Variants in MEI1 observed in about 807,000 individuals in gnomAD.
MEI1 encodes meiotic double-stranded break formation protein 1, also known as meiosis inhibitor protein 1.
Under a neutral mutation model 146.2 loss-of-function variants are expected in MEI1, and 103 were observed. That is an observed-to-expected ratio of 0.70 (90% confidence interval 0.60 to 0.83). MEI1 has a LOEUF of 0.83. MEI1 is among the 40% of genes least tolerant of loss of function. MEI1 has a pLI of 0.00. For synonymous variants in MEI1, 652 were observed against 628.2 expected (o/e 1.04, Z -0.57); for missense variants, 1,529 against 1,533.0 (o/e 1.00, Z 0.04).
At chr22:41,721,234 G>GTTTT (rs2070761644) in intron 6 of MEI1, among the ~76,000 whole-genome samples, 2 of 114,520 alleles carry the variant, frequency 1.7e-5, no homozygotes, top group African/African-American at 8.3e-5. Flanking sequence ...CACCACGCCC[G>GTTTT]TTCTTTTTTT....
rs71184839 is a variant in MEI1 at position 41,763,943 on chromosome 22, C to CT, written c.2268+643dup. ...TGAATAGTTAATGAGGGGAAGTTTC[C>CT]TTTTTTTTTTTTTTTTTTTTTGAGA... On this transcript the variant is annotated intron_variant, in intron 19 of 30. Coordinates refer to ENST00000401548, the MANE Select transcript of MEI1 (RefSeq NM_152513.4). Among the ~76,000 whole-genome samples, 844 of 91,528 alleles carry CT rather than the reference C, an allele frequency of 9.2e-3. 13 individuals are homozygous for CT. The highest frequency in any genetic ancestry group is 0.013 in the Non-Finnish European group (601 of 45,602). The allele number at this position is 91,528 out of a possible 152,430, so 60.0% of individuals were successfully genotyped here. A position where few individuals can be genotyped will look rare whatever the true frequency, so the allele number is the denominator to read the frequency against.
chr22:41,760,767 T>G (rs1024404052), intron 18 of MEI1, among the ~76,000 whole-genome samples: 15 of 152,192 alleles, frequency 9.9e-5, no homozygotes, highest in African/African-American at 3.4e-4. Context: ...AGGGGCTGCA[T>G]GCACCGGCGG....
intron 19 of MEI1, chr22:41,767,690 T>C: frequency 2.3e-6 from 1 of 440,312 alleles, no homozygotes; most frequent in South Asian, 1.6e-5. Context: ...GATTGACCAC[T>C]TGACATGAGC....
rs1189389782 is a variant in MEI1 at position 41,792,735 on chromosome 22, G to T, written c.3346-1094G>T. On this transcript the variant is annotated intron_variant, in intron 26 of 30. Coordinates refer to ENST00000401548, the MANE Select transcript of MEI1 (RefSeq NM_152513.4). ...ACCATTTTATCTTCCCACCAGCAATGTATGAGTGCCAGCTTCTCCACATTC... is the reference window on the plus strand; with the variant it reads ...ACCATTTTATCTTCCCACCAGCAATTTATGAGTGCCAGCTTCTCCACATTC... Among the ~76,000 whole-genome samples, 4 of 152,174 alleles carry T rather than the reference G, an allele frequency of 2.6e-5. No homozygotes were observed. The East Asian group carries it at 7.7e-4, about 29-fold the overall frequency.
intron 6 of MEI1, among the ~76,000 whole-genome samples, chr22:41,719,580 A>T (rs2070551278): frequency 6.6e-6 from 1 of 151,996 alleles, no homozygotes; most frequent in African/African-American, 2.4e-5. Context: ...CCAAACCCAA[A>T]CCCCAAACTC....
chr22:41,798,116 AACACACACACACACACACAC>A (rs60766866), intron 30 of MEI1, among the ~76,000 whole-genome samples: 26,014 of 135,842 alleles, frequency 0.19, 3,015 homozygotes, highest in Admixed American at 0.37. Flanking sequence ...TCCTCAGCCC[AACACACACACACACACACAC>A]ACACACACAC....
At chr22:41,749,116 C>T (rs1038883114) in intron 15 of MEI1, among the ~76,000 whole-genome samples, 8 of 151,974 alleles carry the variant, frequency 5.3e-5, no homozygotes, top group African/African-American at 1.4e-4. Flanking sequence ...CTTTCTTAAT[C>T]TCTGTGCTAT....
At chr22:41,785,649 C>T (rs113167036) in intron 26 of MEI1, among the ~76,000 whole-genome samples, 21 of 148,302 alleles carry the variant, frequency 1.4e-4, no homozygotes, top group South Asian at 8.5e-4. Flanking sequence ...CTGCAACCTC[C>T]GCCTCCCAGG....
chr22:41,702,285 C>T (rs146567913), intron 1 of MEI1, among the ~76,000 whole-genome samples: 2,491 of 151,802 alleles, frequency 0.016, 49 homozygotes, highest in Admixed American at 0.059. Flanking sequence ...GGATTACAGG[C>T]GCCTGCCACC....
At chr22:41,789,900 G>GC (rs2076115662) in intron 26 of MEI1, among the ~76,000 whole-genome samples, 2 of 152,116 alleles carry the variant, frequency 1.3e-5, no homozygotes, top group Non-Finnish European at 2.9e-5. Context: ...CCCTATAATT[G>GC]CCTAGTGAAC....
chr22:41,726,145 G>A (rs1191374878), intron 7 of MEI1, among the ~76,000 whole-genome samples: 1 of 152,154 alleles, frequency 6.6e-6, no homozygotes, highest in Non-Finnish European at 1.5e-5. Context: ...AGGCGTGGTG[G>A]CACACACCTG....
At chr22:41,777,829 CTTCCTTCCTTCA>C (rs2075538331) in intron 21 of MEI1, among the ~76,000 whole-genome samples, 1 of 151,336 alleles carries the variant, frequency 6.6e-6, no homozygotes, top group Non-Finnish European at 1.5e-5. Flanking sequence ...TCCTTCCCTC[CTTCCTTCCTTCA>C]TTCCTTCCCT....
chr22:41,781,821 C>T lies in MEI1; in HGVS notation c.3063C>T (p.Ala1021=), dbSNP rs201761343. Residue 1021 remains alanine (A), a synonymous_variant, in exon 24 of 31, where the codon GCC becomes GCT. Coordinates refer to ENST00000401548, the MANE Select transcript of MEI1 (RefSeq NM_152513.4). ...GGCTGCTCACTGCCTCCTTCTCTGC[C>T]CAGCAGCACAAGGGCAGTTTGCAGG... The part of the protein sequence containing the change: ...SAWLLTASFS[A]QQHKGSLQVH... The T allele has an allele frequency of 2.6e-5, 42 of 1,613,986 alleles. No individual in the cohort carries two copies. The highest frequency in any genetic ancestry group is 5.0e-5 in the Admixed American group (3 of 60,020).
intron 21 of MEI1, among the ~76,000 whole-genome samples, chr22:41,777,702 A>C (rs2075526971): frequency 1.3e-5 from 2 of 152,210 alleles, no homozygotes; most frequent in Admixed American, 1.3e-4. Context: ...ACTTATAAAC[A>C]ACAGGAATTT....
intron 26 of MEI1, among the ~76,000 whole-genome samples, chr22:41,786,271 C>G (rs948898780): frequency 1.3e-5 from 2 of 152,182 alleles, no homozygotes; most frequent in Admixed American, 6.5e-5. Flanking sequence ...GTCTCGAACT[C>G]CTGGCCTCAA....
chr22:41,760,203 G>A (rs923126559), intron 18 of MEI1, among the ~76,000 whole-genome samples: 7 of 151,964 alleles, frequency 4.6e-5, no homozygotes, highest in Non-Finnish European at 1.0e-4. Flanking sequence ...CCAGCTACTC[G>A]GGAGGCTGAG....
chr22:41,722,498 G>A (rs1426637636), intron 6 of MEI1, among the ~76,000 whole-genome samples: 1 of 146,526 alleles, frequency 6.8e-6, no homozygotes, highest in Non-Finnish European at 1.5e-5. Context: ...TGTAGAGATG[G>A]GGTCCCACTA....
chr22:41,769,752 A>G (rs1247861618), intron 19 of MEI1, among the ~76,000 whole-genome samples: 1 of 151,154 alleles, frequency 6.6e-6, no homozygotes, highest in Non-Finnish European at 1.5e-5. Flanking sequence ...GATTACAGGC[A>G]TGAGCCCCCA....
At chr22:41,724,118 G>A in intron 7 of MEI1, 45 bp downstream of exon 7, 1 of 1,608,578 alleles carries the variant, frequency 6.2e-7, no homozygotes, top group Non-Finnish European at 8.5e-7. Flanking sequence ...ATAACAAGGG[G>A]ACCCAAGTGC....
Sources: allele counts gnomAD v4.1 joint callset (sites outside exome capture counted in the v4.1 genomes callset), GRCh38; gene constraint gnomAD v4.1.1; transcripts MANE v1.5; gene names NCBI Gene and HGNC (gene_info 2026-07-23, HGNC 2026-07-21).